The following IL1R2 variants were observed in gnomAD, a reference collection of about 807,000 sequenced individuals.
The protein encoded by IL1R2 is interleukin 1 receptor type 2.
A neutral mutation model predicts 39.5 loss-of-function variants in IL1R2; 46 were observed. That is an observed-to-expected ratio of 1.16 (90% CI 0.92 to 1.49). The LOEUF (loss-of-function observed/expected upper bound fraction) is 1.49. IL1R2 is among the 40% of genes most tolerant of loss of function. The probability of loss-of-function intolerance (pLI) is 0.00; values close to 1 mark genes in which losing one functional copy is unlikely to be tolerated. For synonymous variants in IL1R2, 207 were observed against 189.6 expected (o/e 1.09, Z -0.75); for missense variants, 537 against 502.0 (o/e 1.07, Z -0.67).
At chr2:102,027,592 G>T (rs113718091) in intron 8 of IL1R2, among the ~76,000 whole-genome samples, 3 of 152,158 alleles carry the variant, frequency 2.0e-5, no homozygotes, top group Non-Finnish European at 4.4e-5. Context: ...AGGTCATGTC[G>T]ATTCCTGGAT....
At chr2:101,995,132 G>A (rs1045004753) in intron 1 of IL1R2, among the ~76,000 whole-genome samples, 2 of 152,208 alleles carry the variant, frequency 1.3e-5, no homozygotes, top group African/African-American at 4.8e-5. Flanking sequence ...CAGTTGACTT[G>A]AAGTTAATAA....
At chr2:102,012,470 C>G (rs1311615315) in intron 3 of IL1R2, among the ~76,000 whole-genome samples, 1 of 152,026 alleles carries the variant, frequency 6.6e-6, no homozygotes, top group African/African-American at 2.4e-5. Flanking sequence ...ATCCCCAGTC[C>G]TAGGCTGGGT....
At position 102,016,767 on chromosome 2, in the gene IL1R2, G is replaced by T. The variant is rs116700383; in HGVS notation, c.513+716G>T. On this transcript the variant is annotated intron_variant, in intron 4 of 8. Coordinates refer to ENST00000332549, the MANE Select transcript of IL1R2 (RefSeq NM_004633.4). ...ACAAGTAATCTAGAGATGATTTAAA[G>T]TATATGGGAGGATATCCGTAGGTTA... is the stretch of plus-strand genomic sequence containing the variant. Among the ~76,000 whole-genome samples, 1,312 of 152,312 alleles carry T rather than the reference G, an allele frequency of 8.6e-3. 20 individuals are homozygous for T. Among genetic ancestry groups the T allele is most frequent in the African/African-American group, 0.03 (1,256 of 41,558 alleles).
At chr2:101,993,030 A>C (rs1675423799) in intron 1 of IL1R2, among the ~76,000 whole-genome samples, 2 of 152,132 alleles carry the variant, frequency 1.3e-5, no homozygotes, top group African/African-American at 4.8e-5. Flanking sequence ...TCGCAGTGGA[A>C]TCTAACACAA....
chr2:102,008,518 A>G lies in IL1R2; in HGVS notation c.-58A>G. The G allele has an allele frequency of 7.2e-7, 1 of 1,393,948 alleles. No individual in the cohort carries two copies. The highest frequency in any genetic ancestry group is 1.0e-6 in the Non-Finnish European group (1 of 979,638). The allele number at this position is 1,393,948 out of a possible 1,614,324, so 86.3% of individuals were successfully genotyped here. A position where few individuals can be genotyped will look rare whatever the true frequency, so the allele number is the denominator to read the frequency against. On this transcript the variant is annotated 5_prime_UTR_variant, in exon 2 of 9. Coordinates refer to ENST00000332549, the MANE Select transcript of IL1R2 (RefSeq NM_004633.4). ...ACACCTCTGTTTCCTCCCCTAGGCC[A>G]CGTGCTGCTGGGTCTCAGTCCTCCA...
chr2:102,003,349 T>G (rs111162563), intron 1 of IL1R2, among the ~76,000 whole-genome samples: 1 of 142,908 alleles, frequency 7.0e-6, no homozygotes, highest in African/African-American at 2.6e-5. Context: ...TGTGGCTGTG[T>G]CTGTGTCTGT....
intron 3 of IL1R2, among the ~76,000 whole-genome samples, chr2:102,012,140 A>G (rs1381835164): frequency 6.6e-6 from 1 of 152,160 alleles, no homozygotes; most frequent in Non-Finnish European, 1.5e-5. Flanking sequence ...ATTGGGAACT[A>G]GTGTTTTGGC....
At chr2:102,013,546 AAAAAAAG>A (rs1479856571) in intron 3 of IL1R2, among the ~76,000 whole-genome samples, 3 of 142,192 alleles carry the variant, frequency 2.1e-5, no homozygotes, top group African/African-American at 8.3e-5. Context: ...AAAAAAAAAA[AAAAAAAG>A]GAAAGAAAGA....
chr2:102,008,691 T>C, intron 2 of IL1R2, 49 bp downstream of exon 2: 1 of 1,461,682 alleles, frequency 6.8e-7, no homozygotes, highest in Non-Finnish European at 9.6e-7. Flanking sequence ...GTAGCTTCGC[T>C]GGGGAAAGAT....
At chr2:101,997,954 C>T (rs1488731059) in intron 1 of IL1R2, among the ~76,000 whole-genome samples, 1 of 152,142 alleles carries the variant, frequency 6.6e-6, no homozygotes, top group Non-Finnish European at 1.5e-5. Flanking sequence ...CACTTCCTAC[C>T]AGGAAGGAAC....
chr2:102,028,487 G>A lies in IL1R2; in HGVS notation c.*95G>A, dbSNP rs1677870970. Reference sequence around the variant, plus strand: ...TTGAGGGACTCTGTTCTTTGCCTCAGTTGTCTACCAAAGGTGCCACATTTA... The same window carrying A: ...TTGAGGGACTCTGTTCTTTGCCTCAATTGTCTACCAAAGGTGCCACATTTA... On this transcript the variant is annotated 3_prime_UTR_variant, in exon 9 of 9. Transcript: ENST00000332549. 1 of 1,095,576 alleles carries A rather than the reference G, an allele frequency of 9.1e-7. No individual in the cohort carries two copies. The highest frequency in any genetic ancestry group is 2.8e-5 in the Admixed American group (1 of 35,340). 67.9% of individuals were successfully genotyped at this position (1,095,576 alleles called of 1,614,324 possible). A position where few individuals can be genotyped will look rare whatever the true frequency, so the allele number is the denominator to read the frequency against.
intron 4 of IL1R2, 51 bp from the exon 5 acceptor site, chr2:102,019,587 T>G: frequency 8.0e-7 from 1 of 1,248,030 alleles, no homozygotes; most frequent in Non-Finnish European, 1.1e-6. Context: ...TTCATAGCCT[T>G]TGAGATGTAT....
At chr2:101,995,183 G>A (rs1458897776) in intron 1 of IL1R2, among the ~76,000 whole-genome samples, 1 of 152,194 alleles carries the variant, frequency 6.6e-6, no homozygotes, top group Non-Finnish European at 1.5e-5. Flanking sequence ...AGTCAGGTGA[G>A]CTATTTAAAA....
rs754212330 is a variant in IL1R2 at position 101,996,500 on chromosome 2, TTTTTTG to T, written c.-62+4490_-62+4495del. Among the ~76,000 whole-genome samples the T allele has an allele frequency of 9.7e-4, 141 of 144,714 alleles. 2 individuals carry two copies. Among genetic ancestry groups the T allele is most frequent in the Middle Eastern group, 3.4e-3 (1 of 290 alleles). 94.9% of individuals were successfully genotyped at this position (144,714 alleles called of 152,430 possible). On this transcript the variant is annotated intron_variant, in intron 1 of 8. Coordinates refer to ENST00000332549, the MANE Select transcript of IL1R2 (RefSeq NM_004633.4). ...TGTTTTCAGTGTTTTTTTTTTTTTT[TTTTTTG>T]GGGGGGAGAATGGCTGACTTCTTGT... is the stretch of plus-strand genomic sequence containing the variant.
intron 1 of IL1R2, among the ~76,000 whole-genome samples, chr2:102,000,345 C>A (rs1039679963): frequency 1.4e-4 from 22 of 152,186 alleles, no homozygotes; most frequent in African/African-American, 5.3e-4. Context: ...TGCCCACCAC[C>A]CTGCTGCTGG....
At chr2:102,024,080 C>T (rs28385687) in intron 6 of IL1R2, among the ~76,000 whole-genome samples, 1 of 149,760 alleles carries the variant, frequency 6.7e-6, no homozygotes, top group Non-Finnish European at 1.5e-5. Flanking sequence ...AAAAAAAACA[C>T]GAGTTTTTAA....
At chr2:102,028,047 G>A (rs1677839552) in intron 8 of IL1R2, among the ~76,000 whole-genome samples, 179 bp from the exon 9 acceptor site, 1 of 152,208 alleles carries the variant, frequency 6.6e-6, no homozygotes, top group Non-Finnish European at 1.5e-5. Flanking sequence ...TAATGCCACA[G>A]ACATCACTCT....
At chr2:102,015,739 G>T (rs2282743) in intron 3 of IL1R2, 132 bp from the exon 4 acceptor site, 4 of 706,040 alleles carry the variant, frequency 5.7e-6, no homozygotes, top group Non-Finnish European at 7.0e-6. Context: ...ATCTTATGTC[G>T]GGAAACCATC....
Position 102,019,787 on chromosome 2 carries a change from T to A in IL1R2, c.663T>A (p.Thr221=), listed in dbSNP as rs772274514. 6.2e-7 allele frequency: 1 copy of A among 1,614,084 alleles called. No individual in the cohort carries two copies. The highest frequency in any genetic ancestry group is 8.5e-7 in the Non-Finnish European group (1 of 1,179,976). ...FAHEGQQYNI[T]RSIELRIKKK... ...ATGAAGGCCAGCAATACAACATCACTAGGAGTATTGAGCTACGCATCAAGA... is the reference window on the plus strand; with the variant it reads ...ATGAAGGCCAGCAATACAACATCACAAGGAGTATTGAGCTACGCATCAAGA... The change falls in exon 5 of 9, where the codon ACT becomes ACA. Residue 221 remains threonine, a synonymous_variant. Transcript: ENST00000332549.
Sources: allele counts gnomAD v4.1 joint callset (sites outside exome capture counted in the v4.1 genomes callset), GRCh38; gene constraint gnomAD v4.1.1; transcripts MANE v1.5; gene names NCBI Gene and HGNC (gene_info 2026-07-23, HGNC 2026-07-21).